Variants in STON2 observed in about 807,000 individuals in gnomAD.
STON2 encodes the protein stonin 2.
STON2 carries 29 observed loss-of-function variants against 65.7 expected under a neutral mutation model. The observed-to-expected ratio is 0.44, with a 90% CI of 0.33 to 0.60. The LOEUF is 0.60. Among genes scored for constraint, STON2 ranks in the 20% least tolerant of loss-of-function variants. The pLI, the probability that STON2 is intolerant of heterozygous loss-of-function variation, is 0.03. For missense variants in STON2, 1,054 were observed against 1,118.1 expected, an observed-to-expected ratio of 0.94 and a Z score of 0.82; for synonymous variants, 404 against 414.2, an observed-to-expected ratio of 0.98 and a Z score of 0.30.
intron 3 of STON2, among the ~76,000 whole-genome samples, chr14:81,392,507 T>A (rs1900126817): frequency 6.6e-6 from 1 of 152,176 alleles, no homozygotes; most frequent in Non-Finnish European, 1.5e-5. Context: ...TAGCTGAACT[T>A]TAGGAAAATT....
intron 5 of STON2, among the ~76,000 whole-genome samples, chr14:81,283,752 A>G (rs183971530): frequency 4.6e-5 from 7 of 152,116 alleles, no homozygotes; most frequent in African/African-American, 1.7e-4. Context: ...GATGGTCTCG[A>G]TCTCCTGACC....
chr14:81,383,666 A>G (rs1305728355), intron 3 of STON2, among the ~76,000 whole-genome samples: 1 of 151,890 alleles, frequency 6.6e-6, no homozygotes, highest in Admixed American at 6.6e-5. Context: ...GCAAGCCACA[A>G]TCCTCTCTTG....
At chr14:81,381,556 A>G (rs1403108005) in intron 3 of STON2, among the ~76,000 whole-genome samples, 2 of 149,596 alleles carry the variant, frequency 1.3e-5, no homozygotes, top group African/African-American at 5.0e-5. Flanking sequence ...GATGCTCTCA[A>G]CCTTGTTAGT....
chr14:81,382,861 C>T (rs978146616), intron 3 of STON2, among the ~76,000 whole-genome samples: 3 of 152,154 alleles, frequency 2.0e-5, no homozygotes, highest in Admixed American at 2.0e-4. Flanking sequence ...AGGAAGAGTG[C>T]ATTTGGGAGA....
chr14:81,341,801 C>T (rs1206461019), intron 4 of STON2, among the ~76,000 whole-genome samples: 1 of 152,156 alleles, frequency 6.6e-6, no homozygotes, highest in Non-Finnish European at 1.5e-5. Context: ...CTTTTGGAAT[C>T]CATAACCCTA....
intron 2 of STON2, among the ~76,000 whole-genome samples, chr14:81,413,771 G>T (rs1566950006): frequency 7.2e-6 from 1 of 139,184 alleles, no homozygotes; most frequent in Non-Finnish European, 1.5e-5. Flanking sequence ...ACTCCAGCCT[G>T]GGCAACAAGA....
At chr14:81,273,012 GA>G (rs770103871) in intron 6 of STON2, among the ~76,000 whole-genome samples, 3 of 152,204 alleles carry the variant, frequency 2.0e-5, no homozygotes, top group Non-Finnish European at 4.4e-5. Context: ...ATATTGCTGT[GA>G]AATTAGATCA....
At chr14:81,279,290 A>C (rs894172928) in intron 5 of STON2, among the ~76,000 whole-genome samples, 2 of 152,232 alleles carry the variant, frequency 1.3e-5, no homozygotes, top group East Asian at 1.9e-4. Context: ...TGAATAAGAA[A>C]AACACAAAAA....
At chr14:81,375,274 T>G (rs1264977705) in intron 3 of STON2, among the ~76,000 whole-genome samples, 8 of 151,972 alleles carry the variant, frequency 5.3e-5, no homozygotes, top group Non-Finnish European at 1.5e-5. Context: ...GACTAAGCAT[T>G]CAAGACAAAA....
intron 1 of STON2, among the ~76,000 whole-genome samples, chr14:81,399,986 C>A (rs1056945170): frequency 1.3e-5 from 2 of 152,194 alleles, no homozygotes; most frequent in Non-Finnish European, 2.9e-5. Context: ...AGGTCTTCTG[C>A]AGCCAAAACA....
intron 5 of STON2, among the ~76,000 whole-genome samples, chr14:81,285,919 G>T (rs1012744341): frequency 6.6e-6 from 1 of 152,156 alleles, no homozygotes; most frequent in African/African-American, 2.4e-5. Context: ...AGGCCAAGGC[G>T]GGTGGATCAC....
chr14:81,315,506 C>G (rs1371777422), intron 5 of STON2, among the ~76,000 whole-genome samples: 3 of 74,102 alleles, frequency 4.0e-5, no homozygotes, highest in Admixed American at 2.7e-4. Flanking sequence ...GCATTTCCAA[C>G]GTAGGCAGGT....
intron 7 of STON2, chr14:81,269,293 A>C: frequency 1.0e-6 from 1 of 984,600 alleles, no homozygotes; most frequent in Non-Finnish European, 1.2e-6. Context: ...GCCATGAGCC[A>C]CAGCACCCGG....
chr14:81,322,732 C>T (rs894529147), intron 5 of STON2, among the ~76,000 whole-genome samples: 3 of 152,200 alleles, frequency 2.0e-5, no homozygotes, highest in Non-Finnish European at 2.9e-5. Flanking sequence ...CATACCCTCA[C>T]TCACAGCCAA....
In STON2 at chr14:81,264,638, A is replaced by C. The variant is rs954614440; in HGVS notation, c.*3776T>G. On this transcript the variant is annotated 3_prime_UTR_variant, in exon 8 of 8. Transcript: ENST00000614646. Reference sequence around the variant, plus strand: ...CTCCCAGCCACTGGATTTGAATAGAAATCAGTCTCATTTCAAATAAAAAAT... The same window carrying C: ...CTCCCAGCCACTGGATTTGAATAGACATCAGTCTCATTTCAAATAAAAAAT... 7.1e-6 allele frequency: 7 copies of C among 984,844 alleles called. No homozygotes were observed. The African/African-American group carries it at 1.2e-4, about 17-fold the overall frequency. The allele number at this position is 984,844 out of a possible 1,614,324, so 61.0% of individuals were successfully genotyped here. A position where few individuals can be genotyped will look rare whatever the true frequency, so the allele number is the denominator to read the frequency against.
At position 81,398,327 on chromosome 14, in the gene STON2, T is replaced by C. The variant is rs759904455; in HGVS notation, c.56A>G (p.Asn19Ser). The C allele has an allele frequency of 2.5e-6, 4 of 1,613,922 alleles. No homozygotes were observed. The highest frequency in any genetic ancestry group is 1.3e-5 in the African/African-American group (1 of 74,902). Residue 19 changes from asparagine (N) to serine (S), a missense_variant, in exon 2 of 8, where the codon AAT (asparagine) becomes AGT (serine). Coordinates refer to ENST00000614646, the MANE Select transcript of STON2 (RefSeq NM_001394390.1). ...ATHQSEWVSF[N>S]EEPPFPAHSQ... is the part of the protein sequence containing the mutation. Reference sequence around the variant, plus strand: ...GTGGGCAGGAAAGGGTGGCTCTTCATTGAAGGAGACCCATTCTGACTGGTG... The same window carrying C: ...GTGGGCAGGAAAGGGTGGCTCTTCACTGAAGGAGACCCATTCTGACTGGTG...
intron 5 of STON2, among the ~76,000 whole-genome samples, chr14:81,321,056 C>T (rs527269692): frequency 2.0e-5 from 3 of 152,256 alleles, no homozygotes; most frequent in South Asian, 2.1e-4. Flanking sequence ...ACTTAGAAAA[C>T]GCACTAATAC....
In STON2 at chr14:81,265,268, A is replaced by G; in HGVS notation, c.*3146T>C. 1.0e-6 allele frequency: 1 copy of G among 984,088 alleles called. No individual in the cohort carries two copies. Among genetic ancestry groups the G allele is most frequent in the Non-Finnish European group, 1.2e-6 (1 of 828,722 alleles). The allele number at this position is 984,088 out of a possible 1,614,324, so 61.0% of individuals were successfully genotyped here. On this transcript the variant is annotated 3_prime_UTR_variant, in exon 8 of 8. Coordinates refer to ENST00000614646, the MANE Select transcript of STON2 (RefSeq NM_001394390.1). ...AAAAATATATAGTATTATTATCCCC[A>G]AACCCCTAAATGCTACCCATAATCA...
chr14:81,405,214 G>A (rs953993222), upstream of STON2, among the ~76,000 whole-genome samples: 21 of 151,908 alleles, frequency 1.4e-4, no homozygotes, highest in East Asian at 5.8e-4. Flanking sequence ...CTGTCCTTGC[G>A]TTCACTGACT....
Sources: gnomAD v4.1 joint callset for allele counts (sites outside exome capture counted in the v4.1 genomes callset) on GRCh38, gnomAD v4.1.1 for gene constraint, MANE v1.5 for transcripts, NCBI Gene and HGNC (gene_info 2026-07-23, HGNC 2026-07-21) for gene names.